Variants in COG6 observed in about 807,000 individuals in gnomAD.
COG6 encodes the protein conserved oligomeric Golgi complex subunit 6.
In COG6, 74 loss-of-function variants were observed where a neutral mutation model predicts 88.8. The observed-to-expected ratio is 0.83, with a 90% CI of 0.69 to 1.01. The LOEUF is 1.01. COG6 is among the 50% of genes least tolerant of loss of function. The pLI, the probability that COG6 is intolerant of heterozygous loss-of-function variation, is 0.00. For missense variants in COG6, 800 were observed against 797.9 expected (o/e 1.00, Z -0.03); for synonymous variants, 286 against 278.7 (o/e 1.03, Z -0.26).
Position 39,656,982 on chromosome 13 carries a change from A to G in COG6, c.153+1103A>G, listed in dbSNP as rs191049638. 1.5e-3 allele frequency: 625 copies of G among 428,644 alleles called. 8 individuals carry two copies. The highest frequency in any genetic ancestry group is 0.012 in the African/African-American group (569 of 48,600). 26.6% of individuals were successfully genotyped at this position (428,644 alleles called of 1,614,324 possible). A position where few individuals can be genotyped will look rare whatever the true frequency, so the allele number is the denominator to read the frequency against. ...TTATGAAGTGTTTAATGTGTCTCAT[A>G]TTGATATTTATTATATCATTTAAGA... On this transcript the variant is annotated intron_variant, in intron 1 of 18. Coordinates refer to ENST00000455146, the MANE Select transcript of COG6 (RefSeq NM_020751.3).
chr13:39,746,026 T>C (rs191820617), intron 18 of COG6, among the ~76,000 whole-genome samples: 225 of 152,006 alleles, frequency 1.5e-3, no homozygotes, highest in Non-Finnish European at 2.7e-3. Context: ...AGGTGGGAAC[T>C]GAACAATGAG....
chr13:39,660,712 AT>A, intron 2 of COG6, 97 bp from the exon 3 acceptor site: 1 of 832,144 alleles, frequency 1.2e-6, no homozygotes, highest in Non-Finnish European at 2.0e-6. Context: ...GACCAAAAAA[AT>A]AAAAAATTAT....
intron 18 of COG6, among the ~76,000 whole-genome samples, chr13:39,736,215 C>G (rs1346255451): frequency 2.0e-5 from 3 of 151,468 alleles, no homozygotes; most frequent in Non-Finnish European, 4.4e-5. Context: ...CTTTTGTCTC[C>G]TCTTACTGTG....
intron 13 of COG6, among the ~76,000 whole-genome samples, chr13:39,701,901 A>C (rs143275062): frequency 6.6e-6 from 1 of 152,210 alleles, no homozygotes; most frequent in African/African-American, 2.4e-5. Flanking sequence ...GATGGAATTA[A>C]ATTTCCGTGA....
chr13:39,682,672 T>G (rs1876385700), intron 8 of COG6, among the ~76,000 whole-genome samples: 1 of 152,132 alleles, frequency 6.6e-6, no homozygotes, highest in South Asian at 2.1e-4. Flanking sequence ...AATATCAAGG[T>G]AATCTGTTAA....
intron 18 of COG6, among the ~76,000 whole-genome samples, chr13:39,780,516 T>A (rs1430596904): frequency 6.6e-6 from 1 of 152,160 alleles, no homozygotes; most frequent in Non-Finnish European, 1.5e-5. Flanking sequence ...CTAATATCCA[T>A]AATAATATGG....
At position 39,721,452 on chromosome 13, in the gene COG6, C is replaced by G. The variant is rs185035984; in HGVS notation, c.1584+1625C>G. On this transcript the variant is annotated intron_variant, in intron 15 of 18. Transcript: ENST00000455146. ...CTGTCAGCAGATAATTCAGGTTCCC[C>G]TTTCTCCAGACTCCAGTAGCAATTT... Among the ~76,000 whole-genome samples the G allele has an allele frequency of 4.5e-3, 690 of 152,214 alleles. 4 individuals are homozygous for G. Among genetic ancestry groups the G allele is most frequent in the Non-Finnish European group, 7.1e-3 (484 of 68,000 alleles).
chr13:39,671,281 G>A (rs1371734074), intron 4 of COG6, among the ~76,000 whole-genome samples: 1 of 151,840 alleles, frequency 6.6e-6, no homozygotes, highest in Non-Finnish European at 1.5e-5. Context: ...TTAAAAGTTG[G>A]GTTTGGAGAT....
chr13:39,716,716 T>C (rs921725329), intron 13 of COG6, among the ~76,000 whole-genome samples: 1 of 152,178 alleles, frequency 6.6e-6, no homozygotes, highest in African/African-American at 2.4e-5. Flanking sequence ...ATTAGCATCT[T>C]AATTTATAAC....
chr13:39,791,447 C>T (rs760277979), exon 19 of COG6: 66 of 151,934 alleles, frequency 4.3e-4, no homozygotes, highest in African/African-American at 1.5e-3. Flanking sequence ...TAAGATTTTG[C>T]ATCAGTATTA....
At chr13:39,726,774 C>T (rs374543778) in intron 17 of COG6, among the ~76,000 whole-genome samples, 29 of 152,054 alleles carry the variant, frequency 1.9e-4, no homozygotes, top group East Asian at 1.4e-3. Flanking sequence ...TTCATGCTGT[C>T]TCCTCTCCCT....
chr13:39,669,354 C>A (rs1875478815), intron 4 of COG6, among the ~76,000 whole-genome samples: 1 of 152,180 alleles, frequency 6.6e-6, no homozygotes, highest in African/African-American at 2.4e-5. Flanking sequence ...AAGAGGATAA[C>A]AGATCAATAA....
intron 13 of COG6, among the ~76,000 whole-genome samples, chr13:39,703,742 A>G (rs998356404): frequency 2.0e-5 from 3 of 151,924 alleles, no homozygotes; most frequent in East Asian, 1.9e-4. Flanking sequence ...AGGTGTTTCT[A>G]TGTTTTCACT....
intron 17 of COG6, among the ~76,000 whole-genome samples, chr13:39,725,411 C>T (rs1879080366): frequency 6.6e-6 from 1 of 151,860 alleles, no homozygotes. Flanking sequence ...TACTCACTAC[C>T]ACAATGGCCT....
chr13:39,695,913 G>T (rs1404800076), intron 12 of COG6, among the ~76,000 whole-genome samples: 1 of 151,942 alleles, frequency 6.6e-6, no homozygotes, highest in Non-Finnish European at 1.5e-5. Context: ...CTGAAAGCTA[G>T]ACATAGCAAA....
At chr13:39,757,234 G>T (rs1368359043), downstream of COG6, among the ~76,000 whole-genome samples, 1 of 152,060 alleles carries the variant, frequency 6.6e-6, no homozygotes, top group Non-Finnish European at 1.5e-5. Flanking sequence ...TAACCCAGTG[G>T]AACAAGGAAG....
intron 6 of COG6, 31 bp downstream of exon 6, chr13:39,679,651 T>A: frequency 7.4e-7 from 1 of 1,343,794 alleles, no homozygotes; most frequent in Non-Finnish European, 1.1e-6. Context: ...CTAATTGCAT[T>A]GCTGCTTATG....
At chr13:39,743,429 CTGA>C (rs1880159767) in intron 18 of COG6, among the ~76,000 whole-genome samples, 1 of 152,182 alleles carries the variant, frequency 6.6e-6, no homozygotes, top group African/African-American at 2.4e-5. Context: ...AATATCACCA[CTGA>C]TACCACAGAC....
At position 39,669,063 on chromosome 13, in the gene COG6, G is replaced by C. The variant is rs138113245; in HGVS notation, c.428+3909G>C. ...CACCACAAATAGTGTCCTGTTGGTG[G>C]GTGGACAGTGTGAGAAAAGTTGCAG... On this transcript the variant is annotated intron_variant, in intron 4 of 18. Transcript: ENST00000455146. Among the ~76,000 whole-genome samples, 128 of 152,272 alleles carry C rather than the reference G, an allele frequency of 8.4e-4. 2 individuals are homozygous for C. The East Asian group carries it at 0.022, about 26-fold the overall frequency.
Sources: allele counts gnomAD v4.1 joint callset (sites outside exome capture counted in the v4.1 genomes callset), GRCh38; gene constraint gnomAD v4.1.1; transcripts MANE v1.5; gene names NCBI Gene and HGNC (gene_info 2026-07-23, HGNC 2026-07-21).